VPS13A: variants seen among roughly 807,000 people sequenced by gnomAD.
VPS13A encodes vacuolar protein sorting 13 homolog A.
In VPS13A, 264 loss-of-function variants were observed where a neutral mutation model predicts 390.9. The ratio of observed to expected loss-of-function variants is 0.68; its 90% confidence interval spans 0.61 to 0.75. VPS13A has a LOEUF of 0.75. Among genes scored for constraint, VPS13A ranks in the 30% least tolerant of loss-of-function variants. VPS13A has a pLI of 0.00. For missense variants in VPS13A, 3,409 were observed against 3,733.9 expected (o/e 0.91, Z 2.27); for synonymous variants, 1,231 against 1,227.1 (o/e 1.00, Z -0.07).
At chr9:77,266,214 A>G (rs950800877) in intron 23 of VPS13A, among the ~76,000 whole-genome samples, 11 of 152,138 alleles carry the variant, frequency 7.2e-5, no homozygotes, top group African/African-American at 1.7e-4. Flanking sequence ...ACCTTCAATT[A>G]TGTGATCAAT....
At chr9:77,304,505 A>G (rs1296201574) in intron 34 of VPS13A, among the ~76,000 whole-genome samples, 1 of 152,204 alleles carries the variant, frequency 6.6e-6, no homozygotes, top group Non-Finnish European at 1.5e-5. Context: ...ATATATTAAT[A>G]TAGAATTTAT....
At chr9:77,297,171 TA>T (rs1828051236) in intron 33 of VPS13A, among the ~76,000 whole-genome samples, 1 of 152,134 alleles carries the variant, frequency 6.6e-6, no homozygotes, top group South Asian at 2.1e-4. Context: ...TTGCTCTTTT[TA>T]TAAGTTTTTT....
At chr9:77,235,344 A>G (rs1281568239) in intron 17 of VPS13A, among the ~76,000 whole-genome samples, 1 of 151,822 alleles carries the variant, frequency 6.6e-6, no homozygotes, top group Non-Finnish European at 1.5e-5. Flanking sequence ...ATTTTTTTTC[A>G]TTTAGTGCTT....
chr9:77,262,190 G>A (rs1005043168), intron 23 of VPS13A, among the ~76,000 whole-genome samples: 14 of 151,674 alleles, frequency 9.2e-5, no homozygotes, highest in Non-Finnish European at 1.8e-4. Flanking sequence ...TATCTCATAT[G>A]TAAATTTATT....
At chr9:77,354,082 C>T (rs1029779820) in intron 54 of VPS13A, among the ~76,000 whole-genome samples, 1 of 151,964 alleles carries the variant, frequency 6.6e-6, no homozygotes, top group African/African-American at 2.4e-5. Context: ...TATCATTTCT[C>T]GTATAAGACA....
At chr9:77,356,253 T>A (rs926100426) in intron 54 of VPS13A, among the ~76,000 whole-genome samples, 1 of 152,184 alleles carries the variant, frequency 6.6e-6, no homozygotes, top group Non-Finnish European at 1.5e-5. Context: ...TGCTGGATAA[T>A]TCTCTCAGCT....
intron 69 of VPS13A, among the ~76,000 whole-genome samples, chr9:77,404,554 G>A (rs979863042): frequency 1.3e-5 from 2 of 152,126 alleles, no homozygotes; most frequent in African/African-American, 4.8e-5. Context: ...ATTGACTAAA[G>A]GAAAGGTAAC....
At chr9:77,334,975 G>A (rs1379266325) in intron 46 of VPS13A, among the ~76,000 whole-genome samples, 1 of 152,106 alleles carries the variant, frequency 6.6e-6, no homozygotes, top group Admixed American at 6.5e-5. Context: ...CAGAAAAGTG[G>A]GTAGAGTGGG....
Position 77,267,336 on chromosome 9 carries a change from G to A in VPS13A, c.2428-5944G>A, listed in dbSNP as rs61314376. Among the ~76,000 whole-genome samples the A allele has an allele frequency of 2.1e-3, 318 of 152,192 alleles. 2 individuals are homozygous for A. Among genetic ancestry groups the A allele is most frequent in the African/African-American group, 7.2e-3 (300 of 41,540 alleles). ...TGAGTCTTTGAAGTTGGTGACCTTC[G>A]GATGGGGTTTCTGTGTGGACGTCCT... On this transcript the variant is annotated intron_variant, in intron 23 of 71. Coordinates refer to ENST00000360280, the MANE Select transcript of VPS13A (RefSeq NM_033305.3).
intron 56 of VPS13A, 86 bp downstream of exon 56, chr9:77,357,924 T>C (rs1476571509): frequency 7.2e-6 from 9 of 1,247,530 alleles, no homozygotes; most frequent in Non-Finnish European, 1.0e-5. Context: ...CTGCTTTATC[T>C]AGTATTCAGT....
chr9:77,205,403 C>T lies in VPS13A; in HGVS notation c.278C>T (p.Ser93Phe). 1 of 1,362,102 alleles carries T rather than the reference C, an allele frequency of 7.3e-7. No homozygotes were observed. Among genetic ancestry groups the T allele is most frequent in the Non-Finnish European group, 9.7e-7 (1 of 1,030,910 alleles). 84.4% of individuals were successfully genotyped at this position (1,362,102 alleles called of 1,614,324 possible). ...GAAATTTATTTACTTATAGTGCCTT[C>T]TTCTAGTAAGTTAAATTTAAAAAAA... ...LEEIYLLIVP[S>F]SRIKYDPLKE... Residue 93 changes from serine (S) to phenylalanine (F), a missense_variant, in exon 4 of 72, where the codon TCT becomes TTT. Ser to Phe is a radical substitution (Grantham distance 155). Transcript: ENST00000360280.
intron 13 of VPS13A, among the ~76,000 whole-genome samples, chr9:77,223,916 T>G (rs779971917): frequency 7.2e-5 from 11 of 152,128 alleles, no homozygotes; most frequent in African/African-American, 1.4e-4. Flanking sequence ...CCTCAAAGCT[T>G]CAAAGGACAG....
Position 77,339,326 on chromosome 9 carries a change from C to A in VPS13A, c.6379-190C>A, listed in dbSNP as rs183162944. On this transcript the variant is annotated intron_variant, in intron 47 of 71. Transcript: ENST00000360280. ...ATTTTACAAATACAGTAGCTCAAATCTCAGATTAAATACCGTGTAGAGGTT... is the reference window on the plus strand; with the variant it reads ...ATTTTACAAATACAGTAGCTCAAATATCAGATTAAATACCGTGTAGAGGTT... 309 of 594,092 alleles carry A rather than the reference C, an allele frequency of 5.2e-4. No homozygotes were observed. In the African/African-American group the frequency reaches 5.5e-3, roughly 11 times the overall value. The allele number at this position is 594,092 out of a possible 1,614,324, so 36.8% of individuals were successfully genotyped here.
In VPS13A at chr9:77,360,652, A is replaced by G; in HGVS notation, c.8211+11A>G. 1 of 1,554,722 alleles carries G rather than the reference A, an allele frequency of 6.4e-7. No individual in the cohort carries two copies. Among genetic ancestry groups the G allele is most frequent in the African/African-American group, 1.4e-5 (1 of 73,724 alleles). ...ACTGAAAATACAGAGGTAAGACTTA[A>G]AATAATAACATTTGATGGAAAGGAT... On this transcript the variant is annotated intron_variant, in intron 59 of 71. Transcript: ENST00000360280.
intron 67 of VPS13A, among the ~76,000 whole-genome samples, chr9:77,377,603 T>C (rs1418572777): frequency 6.6e-6 from 1 of 152,188 alleles, no homozygotes; most frequent in Non-Finnish European, 1.5e-5. Context: ...TTACTGAACT[T>C]GTTTATTAGC....
intron 23 of VPS13A, among the ~76,000 whole-genome samples, chr9:77,270,643 AT>A (rs2131319048): frequency 6.6e-6 from 1 of 152,256 alleles, no homozygotes; most frequent in Admixed American, 6.5e-5. Context: ...GTGAGCCGAG[AT>A]TGTGCCACTA....
At chr9:77,316,122 A>G (rs1470492801) in intron 38 of VPS13A, 52 bp from the exon 39 acceptor site, 4 of 968,192 alleles carry the variant, frequency 4.1e-6, no homozygotes, top group Non-Finnish European at 5.5e-6. Context: ...TATAAATAAT[A>G]AATTATTCAT....
intron 70 of VPS13A, among the ~76,000 whole-genome samples, chr9:77,406,912 C>T (rs1375609372): frequency 3.3e-5 from 5 of 152,112 alleles, no homozygotes; most frequent in Non-Finnish European, 7.4e-5. Context: ...CCCTGATATG[C>T]TTAATATCTG....
rs1824257649 is a variant in VPS13A at position 77,238,033 on chromosome 9, A to T, written c.1627A>T (p.Thr543Ser). The change falls in exon 18 of 72, where the codon ACT becomes TCT. Residue 543 changes from threonine to serine, a missense_variant. Physicochemically the swap from Thr to Ser is moderately conservative, Grantham distance 58. Coordinates refer to ENST00000360280, the MANE Select transcript of VPS13A (RefSeq NM_033305.3). Reference sequence around the variant, plus strand: ...AACTAAAATAGATTCATTTCATATTACTGGCTTACCAGATAATTCAGAAAA... The same window carrying T: ...AACTAAAATAGATTCATTTCATATTTCTGGCTTACCAGATAATTCAGAAAA... ...FETKIDSFHI[T>S]GLPDNSEKPR... 1.2e-6 allele frequency: 2 copies of T among 1,612,358 alleles called. No individual in the cohort carries two copies. Among genetic ancestry groups the T allele is most frequent in the African/African-American group, 2.7e-5 (2 of 74,726 alleles).
Sources: allele counts gnomAD v4.1 joint callset (sites outside exome capture counted in the v4.1 genomes callset), GRCh38; gene constraint gnomAD v4.1.1; transcripts MANE v1.5; gene names NCBI Gene and HGNC (gene_info 2026-07-23, HGNC 2026-07-21).